The following MED12L variants were observed in gnomAD, a reference collection of about 807,000 sequenced individuals.
MED12L encodes the protein mediator of RNA polymerase II transcription subunit 12-like protein.
Under a neutral mutation model 281.3 loss-of-function variants are expected in MED12L, and 60 were observed. The observed-to-expected ratio is 0.21, with a 90% CI of 0.17 to 0.26. The LOEUF (loss-of-function observed/expected upper bound fraction) is 0.26, where lower values mean the gene tolerates loss of function less well. Among genes scored for constraint, MED12L ranks in the 10% least tolerant of loss-of-function variants. MED12L has a pLI of 1.00. For synonymous variants in MED12L, 974 were observed against 987.2 expected (o/e 0.99, Z 0.25); for missense variants, 2,146 against 2,680.9 (o/e 0.80, Z 4.41).
intron 1 of MED12L, 125 bp from the exon 2 acceptor site, chr3:151,086,673 C>A (rs1010221402): frequency 2.8e-6 from 1 of 356,214 alleles, no homozygotes; most frequent in South Asian, 5.2e-5. Flanking sequence ...TCCGCCGCCG[C>A]CACCGGAGCG....
In MED12L at chr3:151,189,268, C is replaced by CT. The variant is rs1194177955; in HGVS notation, c.1753+791dup. Among the ~76,000 whole-genome samples, 3 of 152,238 alleles carry CT rather than the reference C, an allele frequency of 2.0e-5. No homozygotes were observed. The East Asian group carries it at 5.8e-4, about 29-fold the overall frequency. ...CTGAGTGAGACCTGCAGGTGAGGTT[C>CT]TTTGAGACAAAGGGCTCTCTCAGTT... On this transcript the variant is annotated intron_variant, in intron 13 of 44. Coordinates refer to ENST00000687756, the MANE Select transcript of MED12L (RefSeq NM_001393769.1).
At chr3:151,139,426 G>T (rs1716610143) in intron 5 of MED12L, among the ~76,000 whole-genome samples, 1 of 152,220 alleles carries the variant, frequency 6.6e-6, no homozygotes, top group Non-Finnish European at 1.5e-5. Flanking sequence ...AGATGCATGT[G>T]TGTGGACTAA....
intron 43 of MED12L, among the ~76,000 whole-genome samples, chr3:151,424,311 A>G (rs1331119480): frequency 1.3e-5 from 2 of 152,208 alleles, no homozygotes; most frequent in East Asian, 3.8e-4. Context: ...CTTTTTTCTT[A>G]CTAAACTGTG....
At chr3:151,273,520 C>T (rs1209220379) in intron 16 of MED12L, among the ~76,000 whole-genome samples, 4 of 150,854 alleles carry the variant, frequency 2.7e-5, no homozygotes, top group African/African-American at 9.8e-5. Context: ...GGATTACAGG[C>T]GTGAGCCACT....
At chr3:151,337,448 T>C (rs1751162642) in intron 16 of MED12L, 1 of 216,234 alleles carries the variant, frequency 4.6e-6, no homozygotes, top group South Asian at 6.7e-5. Context: ...TCGTTCTTCC[T>C]TAGTTGATTA....
At position 151,284,885 on chromosome 3, in the gene MED12L, G is replaced by A. The variant is rs942449103; in HGVS notation, c.2251-65174G>A. ...GGCCTCCCAAAGTGCTGGGATTACAGGCGTGAGCCACTGTGCCCAGCCCAA... is the reference window on the plus strand; with the variant it reads ...GGCCTCCCAAAGTGCTGGGATTACAAGCGTGAGCCACTGTGCCCAGCCCAA... On this transcript the variant is annotated intron_variant, in intron 16 of 44. Coordinates refer to ENST00000687756, the MANE Select transcript of MED12L (RefSeq NM_001393769.1). 4.6e-5 allele frequency among the ~76,000 whole-genome samples: 7 copies of A among 152,158 alleles called. No individual in the cohort carries two copies. The East Asian group carries it at 9.7e-4, about 21-fold the overall frequency.
At chr3:151,151,491 G>A (rs1239308060) in intron 5 of MED12L, among the ~76,000 whole-genome samples, 1 of 150,732 alleles carries the variant, frequency 6.6e-6, no homozygotes, top group African/African-American at 2.4e-5. Context: ...ACAGTGAGAT[G>A]TGCGACTCTT....
chr3:151,119,453 G>A (rs1713399091), intron 3 of MED12L, among the ~76,000 whole-genome samples: 1 of 152,138 alleles, frequency 6.6e-6, no homozygotes, highest in Non-Finnish European at 1.5e-5. Context: ...TCTTCACATG[G>A]TCTTTTCTCC....
intron 43 of MED12L, among the ~76,000 whole-genome samples, chr3:151,418,213 AC>A (rs1717845236): frequency 6.6e-6 from 1 of 151,492 alleles, no homozygotes; most frequent in African/African-American, 2.4e-5. Context: ...GTGCCTCTTT[AC>A]CCTTAAGTAC....
chr3:151,121,281 T>C (rs1713711095), intron 3 of MED12L, among the ~76,000 whole-genome samples: 1 of 152,194 alleles, frequency 6.6e-6, no homozygotes, highest in African/African-American at 2.4e-5. Flanking sequence ...TTGAAAGAAA[T>C]CACAAACTGC....
At chr3:151,098,578 T>C (rs1336496217) in intron 2 of MED12L, among the ~76,000 whole-genome samples, 1 of 152,208 alleles carries the variant, frequency 6.6e-6, no homozygotes, top group Non-Finnish European at 1.5e-5. Context: ...CCTCCATCTT[T>C]ACATGGTCTT....
chr3:151,094,333 A>G (rs755987809), intron 2 of MED12L, among the ~76,000 whole-genome samples: 2 of 152,206 alleles, frequency 1.3e-5, no homozygotes, highest in Non-Finnish European at 2.9e-5. Flanking sequence ...CACAAGAATG[A>G]ACATGATGAA....
intron 16 of MED12L, among the ~76,000 whole-genome samples, chr3:151,260,169 A>G (rs1008221092): frequency 8.5e-5 from 13 of 152,102 alleles, no homozygotes; most frequent in African/African-American, 3.1e-4. Context: ...GGGCTAGTAA[A>G]CTTAATGGAC....
chr3:151,262,827 A>C (rs548686093), intron 16 of MED12L, among the ~76,000 whole-genome samples: 3 of 152,224 alleles, frequency 2.0e-5, no homozygotes, highest in Admixed American at 6.5e-5. Context: ...ACTCATTAAA[A>C]CCTGATAGCT....
intron 16 of MED12L, among the ~76,000 whole-genome samples, chr3:151,207,039 GCCA>G (rs546663620): frequency 5.0e-4 from 75 of 150,102 alleles, no homozygotes; most frequent in African/African-American, 1.7e-3. Flanking sequence ...CCTTTTCCTA[GCCA>G]TGTGATTTTT....
chr3:151,365,548 T>A (rs973028488), intron 22 of MED12L, among the ~76,000 whole-genome samples: 1 of 152,224 alleles, frequency 6.6e-6, no homozygotes, highest in Non-Finnish European at 1.5e-5. Flanking sequence ...TGTCTATAAA[T>A]TTTTTGATGC....
chr3:151,155,762 C>G (rs1392732025), intron 5 of MED12L, among the ~76,000 whole-genome samples: 2 of 152,144 alleles, frequency 1.3e-5, no homozygotes, highest in Non-Finnish European at 2.9e-5. Flanking sequence ...ATTTGAGATT[C>G]CTTGAGATCT....
chr3:151,407,259 G>A (rs974933386), intron 39 of MED12L, among the ~76,000 whole-genome samples: 9 of 152,180 alleles, frequency 5.9e-5, no homozygotes, highest in Admixed American at 3.3e-4. Context: ...AAAGAAGAGC[G>A]AAGAGTTAGA....
At chr3:151,399,433 G>A (rs1242259980) in intron 39 of MED12L, among the ~76,000 whole-genome samples, 4 of 152,118 alleles carry the variant, frequency 2.6e-5, no homozygotes, top group Admixed American at 1.3e-4. Flanking sequence ...GCCATTAATA[G>A]GATTGGTTTA....
Sources: gnomAD v4.1 joint callset for allele counts (sites outside exome capture counted in the v4.1 genomes callset) on GRCh38, gnomAD v4.1.1 for gene constraint, MANE v1.5 for transcripts, NCBI Gene and HGNC (gene_info 2026-07-23, HGNC 2026-07-21) for gene names.